The following COL11A1 variants were observed in gnomAD, a reference collection of about 807,000 sequenced individuals.
COL11A1 encodes the protein collagen alpha-1(XI) chain.
Under a neutral mutation model 265.2 loss-of-function variants are expected in COL11A1, and 74 were observed. The observed-to-expected ratio is 0.28, with a 90% CI of 0.23 to 0.34. COL11A1 has a LOEUF of 0.34. COL11A1 is among the 10% of genes least tolerant of loss of function. The pLI is 1.00. For missense variants in COL11A1, 2,165 were observed against 2,263.6 expected, an observed-to-expected ratio of 0.96 and a Z score of 0.88; for synonymous variants, 816 against 727.6, an observed-to-expected ratio of 1.12 and a Z score of -1.96.
At chr1:103,055,453 T>A (rs1305845770) in intron 4 of COL11A1, among the ~76,000 whole-genome samples, 2 of 152,184 alleles carry the variant, frequency 1.3e-5, no homozygotes, top group East Asian at 1.9e-4. Context: ...AAACATATAA[T>A]GTTAATTTTT....
chr1:102,951,785 A>G (rs938902599), intron 41 of COL11A1, among the ~76,000 whole-genome samples: 7 of 152,028 alleles, frequency 4.6e-5, no homozygotes, highest in Non-Finnish European at 8.8e-5. Flanking sequence ...TTAGGCTTCA[A>G]ATGTACACAC....
At chr1:102,914,302 T>G in intron 52 of COL11A1, 50 bp downstream of exon 52, 1 of 1,403,102 alleles carries the variant, frequency 7.1e-7, no homozygotes, top group Non-Finnish European at 1.0e-6. Context: ...AATACAGAAA[T>G]TGGAAACATT....
chr1:102,985,402 T>G (rs1663440577), intron 30 of COL11A1, among the ~76,000 whole-genome samples: 1 of 152,118 alleles, frequency 6.6e-6, no homozygotes, highest in Non-Finnish European at 1.5e-5. Context: ...ATAAGTAGTC[T>G]TCAGATGGAA....
Position 103,005,417 on chromosome 1 carries a change from T to C in COL11A1, c.1845+421A>G, listed in dbSNP as rs572046307. Among the ~76,000 whole-genome samples, 29 of 152,272 alleles carry C rather than the reference T, an allele frequency of 1.9e-4. No individual in the cohort carries two copies. In the South Asian group the frequency reaches 5.8e-3, roughly 30 times the overall value. On this transcript the variant is annotated intron_variant, in intron 18 of 66. Coordinates refer to ENST00000370096, the MANE Select transcript of COL11A1 (RefSeq NM_001854.4). ...TTTTTACCATCACCAAAAAATAATA[T>C]AGTGCCTAGTATATTACTGTATTAA... is the stretch of plus-strand genomic sequence containing the variant.
At chr1:102,980,598 C>T (rs1315061422) in intron 31 of COL11A1, among the ~76,000 whole-genome samples, 2 of 152,024 alleles carry the variant, frequency 1.3e-5, no homozygotes, top group Non-Finnish European at 2.9e-5. Flanking sequence ...ATTTTACAAA[C>T]TTCCCCATAT....
At chr1:102,893,444 G>A (rs962914316) in intron 57 of COL11A1, among the ~76,000 whole-genome samples, 6 of 152,004 alleles carry the variant, frequency 3.9e-5, no homozygotes, top group Admixed American at 1.3e-4. Flanking sequence ...GTATGATATC[G>A]AGAGCAGTTA....
rs945959591 is a variant in COL11A1 at position 103,026,325 on chromosome 1, G to A, written c.788C>T (p.Pro263Leu). ...ATAGTCATATTCGATTATATCCTCT[G>A]GTGCATACTACATTGCAAAGGAAAA... ...AQEPQIDEYA[P>L]EDIIEYDYEY... Residue 263 changes from proline to leucine, a missense_variant, in exon 6 of 67, where the codon CCA (proline) becomes CTA (leucine). Transcript: ENST00000370096. The A allele has an allele frequency of 5.0e-6, 8 of 1,606,932 alleles. No individual in the cohort carries two copies. In the Admixed American group the frequency reaches 8.3e-5, roughly 17 times the overall value.
intron 4 of COL11A1, among the ~76,000 whole-genome samples, chr1:103,033,337 G>C (rs1200112646): frequency 6.6e-6 from 1 of 151,642 alleles, no homozygotes; most frequent in African/African-American, 2.4e-5. Flanking sequence ...CCTTTTTTGA[G>C]TTGAATAGAT....
rs752749747 is a variant in COL11A1, at chr1:103,017,825, C to T, written c.1408G>A (p.Asp470Asn). The T allele has an allele frequency of 2.5e-6, 4 of 1,612,654 alleles. No individual in the cohort carries two copies. Among genetic ancestry groups the T allele is most frequent in the Non-Finnish European group, 2.5e-6 (3 of 1,178,808 alleles). ...GPTGPPGDPG[D>N]RGPPGRPGLP... ...TATCATGTCCATTCACTTACCCTAT[C>T]GCCAGGGTCACCAGGGGGTCCAGTG... is the stretch of plus-strand genomic sequence containing the variant. Residue 470 changes from aspartate (D) to asparagine (N), a missense_variant, in exon 11 of 67, where the codon GAT (aspartate) becomes AAT (asparagine). By Grantham distance (23) the Asp-to-Asn change is conservative (BLOSUM62 1). Transcript: ENST00000370096.
chr1:102,938,185 G>A (rs530538372), intron 44 of COL11A1, among the ~76,000 whole-genome samples: 2 of 152,118 alleles, frequency 1.3e-5, no homozygotes, highest in South Asian at 2.1e-4. Flanking sequence ...ATGTGTTAAT[G>A]TAGGCAGTAA....
intron 4 of COL11A1, among the ~76,000 whole-genome samples, chr1:103,060,322 C>T (rs1241438490): frequency 6.6e-6 from 1 of 151,982 alleles, no homozygotes; most frequent in Non-Finnish European, 1.5e-5. Context: ...GAATTTGCTG[C>T]CAGTAGGCCT....
chr1:103,044,821 G>A (rs1401923839), intron 4 of COL11A1, among the ~76,000 whole-genome samples: 1 of 151,738 alleles, frequency 6.6e-6, no homozygotes, highest in Admixed American at 6.6e-5. Context: ...TATTCCAGAG[G>A]GAGAAACAAA....
chr1:102,926,612 T>C (rs1261715158), intron 46 of COL11A1, among the ~76,000 whole-genome samples: 2 of 152,162 alleles, frequency 1.3e-5, no homozygotes, highest in Non-Finnish European at 2.9e-5. Flanking sequence ...GCAATCACTT[T>C]TTTAAATGAA....
chr1:102,929,968 T>C (rs1182526635), intron 46 of COL11A1, among the ~76,000 whole-genome samples: 2 of 152,332 alleles, frequency 1.3e-5, no homozygotes, highest in South Asian at 4.1e-4. Flanking sequence ...CTAAAGTTGC[T>C]TATCAGCTTA....
chr1:103,021,142 C>G (rs1667026035), intron 9 of COL11A1, among the ~76,000 whole-genome samples: 1 of 150,244 alleles, frequency 6.7e-6, no homozygotes, highest in African/African-American at 2.4e-5. Context: ...AAAACCGCTT[C>G]CAAGTAAGAA....
At chr1:102,920,614 T>C (rs1442113167) in intron 48 of COL11A1, among the ~76,000 whole-genome samples, 1 of 152,200 alleles carries the variant, frequency 6.6e-6, no homozygotes. Flanking sequence ...AAACTCTGGT[T>C]GATTCCTGAA....
chr1:103,078,846 T>C lies in COL11A1; in HGVS notation c.300A>G (p.Ser100=). The change falls in exon 3 of 67, where the codon TCA becomes TCG. Residue 100 remains serine, a synonymous_variant. Coordinates refer to ENST00000370096, the MANE Select transcript of COL11A1 (RefSeq NM_001854.4). ...FPGGTFPEDF[S]ILFTVKPKKG... is the part of the protein sequence containing the mutation. ...TTTTTGGTTTTACTGTAAATAGTAT[T>C]GAAAAGTCTTCTGGGAAAGTTCCAC... is the stretch of plus-strand genomic sequence containing the variant. The C allele has an allele frequency of 6.2e-7, 1 of 1,610,678 alleles. No homozygotes were observed. Among genetic ancestry groups the C allele is most frequent in the Non-Finnish European group, 8.5e-7 (1 of 1,177,628 alleles).
intron 4 of COL11A1, among the ~76,000 whole-genome samples, chr1:103,040,391 T>G (rs1668715400): frequency 6.6e-6 from 1 of 151,612 alleles, no homozygotes; most frequent in African/African-American, 2.4e-5. Context: ...ATTATATACT[T>G]TTTTGTATTC....
chr1:102,969,106 C>A (rs914523820), intron 37 of COL11A1, among the ~76,000 whole-genome samples: 1 of 152,086 alleles, frequency 6.6e-6, no homozygotes, highest in Non-Finnish European at 1.5e-5. Context: ...GATATCCAAA[C>A]AGTTTTTTCT....
Sources: allele counts gnomAD v4.1 joint callset (sites outside exome capture counted in the v4.1 genomes callset), GRCh38; gene constraint gnomAD v4.1.1; transcripts MANE v1.5; gene names NCBI Gene and HGNC (gene_info 2026-07-23, HGNC 2026-07-21).